GRM5: variants seen among roughly 807,000 people sequenced by gnomAD.
GRM5 encodes the protein glutamate metabotropic receptor 5.
A neutral mutation model predicts 83.1 loss-of-function variants in GRM5; 19 were observed. That is an observed-to-expected ratio of 0.23 (90% CI 0.16 to 0.34). GRM5 has a LOEUF of 0.34. GRM5 is among the 10% of genes least tolerant of loss of function. The probability of loss-of-function intolerance (pLI) is 1.00; values close to 1 mark genes in which losing one functional copy is unlikely to be tolerated. For synonymous variants in GRM5, 675 were observed against 633.6 expected (o/e 1.07, Z -0.98); for missense variants, 1,160 against 1,588.3 (o/e 0.73, Z 4.58).
intron 2 of GRM5, among the ~76,000 whole-genome samples, chr11:88,907,180 A>G (rs1945418003): frequency 6.6e-6 from 1 of 152,136 alleles, no homozygotes; most frequent in African/African-American, 2.4e-5. Flanking sequence ...AAAATAAATT[A>G]CTACTTGTAA....
At chr11:88,557,834 TG>T (rs1437013801) in intron 8 of GRM5, among the ~76,000 whole-genome samples, 1 of 151,774 alleles carries the variant, frequency 6.6e-6, no homozygotes, top group Non-Finnish European at 1.5e-5. Flanking sequence ...ACACGTGCCA[TG>T]GTGGTTTGCT....
chr11:88,815,812 C>A (rs901951179), intron 3 of GRM5, among the ~76,000 whole-genome samples: 3 of 152,266 alleles, frequency 2.0e-5, no homozygotes, highest in Admixed American at 1.3e-4. Flanking sequence ...GTCATTAGGC[C>A]CCACCTCCAA....
At chr11:88,917,292 C>A (rs642078) in intron 2 of GRM5, among the ~76,000 whole-genome samples, 73,684 of 152,016 alleles carry the variant, frequency 0.48, 19,187 homozygotes, top group South Asian at 0.65. Context: ...CTTGGGGTGC[C>A]CCCTAATGCA....
At chr11:88,725,103 C>T (rs1457695586) in intron 3 of GRM5, among the ~76,000 whole-genome samples, 1 of 152,264 alleles carries the variant, frequency 6.6e-6, no homozygotes, top group Admixed American at 6.5e-5. Flanking sequence ...GGATCCCATC[C>T]TCATGGAGCC....
intron 2 of GRM5, among the ~76,000 whole-genome samples, chr11:89,033,944 A>T (rs1941323683): frequency 6.6e-6 from 1 of 151,786 alleles, no homozygotes; most frequent in Admixed American, 6.6e-5. Flanking sequence ...GAATCAATTC[A>T]GTCAAAGATG....
chr11:88,736,076 C>A (rs1051590922), intron 3 of GRM5, among the ~76,000 whole-genome samples: 2 of 151,908 alleles, frequency 1.3e-5, no homozygotes, highest in Non-Finnish European at 2.9e-5. Context: ...TTGTGGTCAA[C>A]CTATTTATGT....
intron 3 of GRM5, 95 bp downstream of exon 3, chr11:88,849,811 T>C (rs1470280823): frequency 8.4e-7 from 1 of 1,197,446 alleles, no homozygotes; most frequent in East Asian, 2.3e-5. Flanking sequence ...CAGATTAAGC[T>C]TTGAAAGAAT....
intron 3 of GRM5, among the ~76,000 whole-genome samples, chr11:88,817,737 T>C (rs1943717012): frequency 6.6e-6 from 1 of 152,154 alleles, no homozygotes; most frequent in African/African-American, 2.4e-5. Context: ...TACTAAGTCC[T>C]TTAAATATCT....
intron 3 of GRM5, among the ~76,000 whole-genome samples, chr11:88,694,548 G>T (rs960873813): frequency 1.1e-5 from 1 of 92,746 alleles, no homozygotes. Context: ...CCTTCTTAGA[G>T]AACTATTTTT....
intron 2 of GRM5, among the ~76,000 whole-genome samples, chr11:89,022,828 T>C (rs185906546): frequency 6.6e-6 from 1 of 152,306 alleles, no homozygotes; most frequent in Non-Finnish European, 1.5e-5. Context: ...AAGAAGTGGA[T>C]CACTTGTCAT....
intron 2 of GRM5, among the ~76,000 whole-genome samples, chr11:89,035,475 G>A (rs1440655159): frequency 6.6e-6 from 1 of 151,848 alleles, no homozygotes; most frequent in Non-Finnish European, 1.5e-5. Flanking sequence ...CAGTTGAAAA[G>A]AGGGTATATA....
intron 2 of GRM5, among the ~76,000 whole-genome samples, chr11:88,993,364 C>T (rs1050643822): frequency 5.3e-5 from 8 of 151,632 alleles, no homozygotes; most frequent in Non-Finnish European, 1.0e-4. Flanking sequence ...TTTCTTCCAT[C>T]ATTGTGTGTT....
intron 4 of GRM5, among the ~76,000 whole-genome samples, chr11:88,611,882 T>C (rs7479307): frequency 0.86 from 131,338 of 152,082 alleles, 57,445 homozygotes; most frequent in Non-Finnish European, 0.94. Context: ...TTCCTCCTAA[T>C]ACTGCTTTAG....
chr11:88,583,268 T>C (rs904171878), intron 7 of GRM5, among the ~76,000 whole-genome samples: 3 of 152,198 alleles, frequency 2.0e-5, no homozygotes, highest in African/African-American at 7.2e-5. Context: ...TCCTTGATTC[T>C]TACCAACATC....
At chr11:88,942,408 T>C (rs1350567799) in intron 2 of GRM5, among the ~76,000 whole-genome samples, 2 of 151,982 alleles carry the variant, frequency 1.3e-5, no homozygotes, top group East Asian at 3.9e-4. Context: ...TAAAAACAAA[T>C]AGAACAGCAG....
chr11:88,979,540 A>T (rs191866805), intron 2 of GRM5, among the ~76,000 whole-genome samples: 232 of 152,264 alleles, frequency 1.5e-3, no homozygotes, highest in African/African-American at 5.3e-3. Flanking sequence ...CTCTTTAGAG[A>T]TGTCTGATTA....
At chr11:88,775,933 A>G (rs1942837807) in intron 3 of GRM5, among the ~76,000 whole-genome samples, 1 of 152,124 alleles carries the variant, frequency 6.6e-6, no homozygotes, top group Admixed American at 6.6e-5. Flanking sequence ...TCGGGTAGAG[A>G]GTTCTGTAGA....
At chr11:88,940,386 CT>C (rs569556457) in intron 2 of GRM5, among the ~76,000 whole-genome samples, 1 of 98,754 alleles carries the variant, frequency 1.0e-5, no homozygotes, top group African/African-American at 3.8e-5. Context: ...TTCTTTTTTT[CT>C]TTTTTTCTTT....
At chr11:88,706,847 TA>T (rs1199157855) in intron 3 of GRM5, among the ~76,000 whole-genome samples, 26 of 152,130 alleles carry the variant, frequency 1.7e-4, no homozygotes, top group African/African-American at 6.0e-4. Context: ...AGTATCTTGT[TA>T]AAGGAGGTGG....
Sources: allele counts gnomAD v4.1 joint callset (sites outside exome capture counted in the v4.1 genomes callset), GRCh38; gene constraint gnomAD v4.1.1; transcripts MANE v1.5; gene names NCBI Gene and HGNC (gene_info 2026-07-23, HGNC 2026-07-21).